The following STX8 variants were observed in gnomAD, a reference collection of about 807,000 sequenced individuals.
STX8 encodes the protein syntaxin 8.
In STX8, 23 loss-of-function variants were observed where a neutral mutation model predicts 37.5. The observed-to-expected ratio is 0.61, with a 90% confidence interval of 0.44 to 0.87. The LOEUF (loss-of-function observed/expected upper bound fraction) is 0.87, where lower values mean the gene tolerates loss of function less well. Ranked by LOEUF, STX8 falls within the 40% of genes least tolerant of loss-of-function variation. The pLI is 0.00. For missense variants in STX8, 313 were observed against 284.7 expected, an observed-to-expected ratio of 1.10 and a Z score of -0.71; for synonymous variants, 115 against 99.1, an observed-to-expected ratio of 1.16 and a Z score of -0.95.
intron 7 of STX8, among the ~76,000 whole-genome samples, chr17:9,318,147 G>T (rs1039213284): frequency 3.3e-5 from 5 of 152,166 alleles, no homozygotes; most frequent in Non-Finnish European, 7.3e-5. Context: ...AATACTTCAA[G>T]TTCTAGGGTC....
chr17:9,574,834 G>C (rs1907836053), intron 1 of STX8, among the ~76,000 whole-genome samples: 1 of 152,124 alleles, frequency 6.6e-6, no homozygotes, highest in African/African-American at 2.4e-5. Context: ...ACCGCGTCCG[G>C]CCTAAAATTA....
At chr17:9,408,303 C>T (rs1912866998) in intron 6 of STX8, among the ~76,000 whole-genome samples, 1 of 152,104 alleles carries the variant, frequency 6.6e-6, no homozygotes. Flanking sequence ...AAGCGTTGGT[C>T]ACTATAAGGA....
chr17:9,348,808 G>A (rs1910611928), intron 7 of STX8, among the ~76,000 whole-genome samples: 1 of 152,092 alleles, frequency 6.6e-6, no homozygotes, highest in Non-Finnish European at 1.5e-5. Flanking sequence ...CTTAATATGT[G>A]GGTCAGAAAT....
chr17:9,344,386 G>A (rs758209653), intron 7 of STX8, among the ~76,000 whole-genome samples: 4 of 151,642 alleles, frequency 2.6e-5, no homozygotes, highest in Non-Finnish European at 4.4e-5. Flanking sequence ...TCAGCCTCCC[G>A]AGTAGTTGGG....
intron 6 of STX8, among the ~76,000 whole-genome samples, chr17:9,443,594 A>T (rs1341281708): frequency 6.6e-6 from 1 of 152,140 alleles, no homozygotes; most frequent in East Asian, 1.9e-4. Flanking sequence ...CCCTTGAGCC[A>T]CAGAACCACA....
intron 7 of STX8, among the ~76,000 whole-genome samples, chr17:9,377,217 A>G (rs1187990201): frequency 1.3e-5 from 2 of 152,158 alleles, no homozygotes; most frequent in Non-Finnish European, 2.9e-5. Context: ...GAGAGGATCC[A>G]TTACATTTTT....
intron 6 of STX8, among the ~76,000 whole-genome samples, chr17:9,430,623 C>T (rs1597667556): frequency 1.3e-5 from 2 of 149,588 alleles, no homozygotes; most frequent in African/African-American, 2.5e-5. Context: ...CATCTGTTGA[C>T]GGACAGTTGG....
intron 4 of STX8, among the ~76,000 whole-genome samples, chr17:9,519,179 A>G (rs1035810154): frequency 2.0e-5 from 3 of 152,288 alleles, no homozygotes; most frequent in South Asian, 2.1e-4. Flanking sequence ...TACCCATAAT[A>G]TCTCCCTACA....
At chr17:9,377,668 C>T (rs1911647926) in intron 7 of STX8, among the ~76,000 whole-genome samples, 1 of 152,014 alleles carries the variant, frequency 6.6e-6, no homozygotes, top group Admixed American at 6.6e-5. Flanking sequence ...CGCCATGTTG[C>T]CCAGGCTGCT....
chr17:9,255,565 A>T (rs1014881080), intron 7 of STX8, among the ~76,000 whole-genome samples: 39 of 117,704 alleles, frequency 3.3e-4, no homozygotes, highest in African/African-American at 1.0e-3. Context: ...TATATAAATA[A>T]ATAAATAAAT....
rs147180957 is a variant in STX8 at position 9,265,963 on chromosome 17, C to A, written c.644-15318G>T. On this transcript the variant is annotated intron_variant, in intron 7 of 7. Coordinates refer to ENST00000306357, the MANE Select transcript of STX8 (RefSeq NM_004853.3). ...TACGGGGTGGCTGAAAGGCACACAC[C>A]CCCTTTCCCTCGAGTCCTAGGGATA... 5.2e-3 allele frequency among the ~76,000 whole-genome samples: 795 copies of A among 152,214 alleles called. 7 individuals are homozygous for A. Among genetic ancestry groups the A allele is most frequent in the African/African-American group, 0.018 (743 of 41,528 alleles).
chr17:9,448,796 A>G (rs1904942114), intron 6 of STX8, among the ~76,000 whole-genome samples: 1 of 152,188 alleles, frequency 6.6e-6, no homozygotes, highest in Admixed American at 6.5e-5. Flanking sequence ...TTTACAGAAC[A>G]TGAGCGCCAC....
rs535498407 is a variant in STX8 at position 9,501,755 on chromosome 17, C to T, written c.448+3283G>A. Among the ~76,000 whole-genome samples, 72 of 151,982 alleles carry T rather than the reference C, an allele frequency of 4.7e-4. 1 individual carries two copies. Among genetic ancestry groups the T allele is most frequent in the African/African-American group, 1.4e-3 (60 of 41,434 alleles). ...TTGGGAGGCCGAGGCAGGCGGATCA[C>T]GAGGTCAGGAGATCGAAACCAGCAT... On this transcript the variant is annotated intron_variant, in intron 5 of 7. Transcript: ENST00000306357.
chr17:9,524,816 T>TG (rs1366769007), intron 4 of STX8, among the ~76,000 whole-genome samples: 2 of 151,616 alleles, frequency 1.3e-5, no homozygotes, highest in East Asian at 3.9e-4. Flanking sequence ...TCACTCTGTT[T>TG]TTTTTTTTTG....
At chr17:9,540,936 C>T (rs1004657116) in intron 4 of STX8, among the ~76,000 whole-genome samples, 3 of 152,128 alleles carry the variant, frequency 2.0e-5, no homozygotes, top group African/African-American at 7.2e-5. Flanking sequence ...TGTCCCCATG[C>T]CACTCAGCCA....
chr17:9,489,934 C>T (rs569929726), intron 6 of STX8, among the ~76,000 whole-genome samples: 18 of 152,164 alleles, frequency 1.2e-4, no homozygotes, highest in South Asian at 1.0e-3. Context: ...GTGATCCACC[C>T]GCCTCAGCCT....
At chr17:9,273,237 T>G (rs1907536251) in intron 7 of STX8, 1 of 152,200 alleles carries the variant, frequency 6.6e-6, no homozygotes, top group East Asian at 1.9e-4. Context: ...TGGGGTGTCA[T>G]GAGGATAAAT....
At chr17:9,372,276 C>T (rs1474636932) in intron 7 of STX8, among the ~76,000 whole-genome samples, 1 of 150,416 alleles carries the variant, frequency 6.6e-6, no homozygotes, top group African/African-American at 2.4e-5. Context: ...CCACAACCCC[C>T]CATGGTAAGT....
chr17:9,269,324 C>A (rs1907364592), intron 7 of STX8, among the ~76,000 whole-genome samples: 2 of 152,228 alleles, frequency 1.3e-5, no homozygotes, highest in South Asian at 4.1e-4. Flanking sequence ...CTCTCCCTTT[C>A]CCTTAAGACG....
Sources: allele counts gnomAD v4.1 joint callset (sites outside exome capture counted in the v4.1 genomes callset), GRCh38; gene constraint gnomAD v4.1.1; transcripts MANE v1.5; gene names NCBI Gene and HGNC (gene_info 2026-07-23, HGNC 2026-07-21).